AGBL4: variants seen among roughly 807,000 people sequenced by gnomAD.
AGBL4 encodes cytosolic carboxypeptidase 6.
A neutral mutation model predicts 66.4 loss-of-function variants in AGBL4; 58 were observed. The ratio of observed to expected loss-of-function variants is 0.87; its 90% CI spans 0.71 to 1.09. The LOEUF (loss-of-function observed/expected upper bound fraction) is 1.09, where lower values mean the gene tolerates loss of function less well. AGBL4 is among the 50% of genes least tolerant of loss of function. AGBL4 has a pLI of 0.00. For missense variants in AGBL4, 579 were observed against 631.0 expected, an observed-to-expected ratio of 0.92 and a Z score of 0.88; for synonymous variants, 234 against 222.9, an observed-to-expected ratio of 1.05 and a Z score of -0.44.
At chr1:49,831,506 G>C (rs1645677236) in intron 2 of AGBL4, among the ~76,000 whole-genome samples, 2 of 152,038 alleles carry the variant, frequency 1.3e-5, no homozygotes, top group Admixed American at 6.6e-5. Context: ...AAGGAGATTT[G>C]GGGCTGACAC....
intron 11 of AGBL4, among the ~76,000 whole-genome samples, chr1:48,540,187 C>T (rs1343285719): frequency 2.0e-5 from 3 of 152,156 alleles, no homozygotes; most frequent in Non-Finnish European, 4.4e-5. Context: ...ACCCTTAGGG[C>T]TCAGTCATCC....
At chr1:49,116,797 G>A (rs1645534000) in intron 4 of AGBL4, among the ~76,000 whole-genome samples, 1 of 152,136 alleles carries the variant, frequency 6.6e-6, no homozygotes, top group African/African-American at 2.4e-5. Context: ...GATCGGCACA[G>A]TGGCTTCCAC....
At chr1:49,937,028 A>G (rs1654135263) in intron 1 of AGBL4, among the ~76,000 whole-genome samples, 1 of 152,256 alleles carries the variant, frequency 6.6e-6, no homozygotes, top group African/African-American at 2.4e-5. Context: ...TGCTCCAATT[A>G]AAAGACACAG....
chr1:49,693,783 C>T (rs372645815), intron 3 of AGBL4, among the ~76,000 whole-genome samples: 5 of 152,028 alleles, frequency 3.3e-5, no homozygotes, highest in African/African-American at 1.2e-4. Context: ...CTCTTATTGG[C>T]TGAACTTTTA....
At chr1:49,854,596 C>A (rs2148070240) in intron 1 of AGBL4, among the ~76,000 whole-genome samples, 1 of 152,196 alleles carries the variant, frequency 6.6e-6, no homozygotes, top group Middle Eastern at 3.4e-3. Context: ...ATCAGACTAC[C>A]TCTTACCCTG....
intron 1 of AGBL4, among the ~76,000 whole-genome samples, chr1:49,952,686 TG>T (rs1656265436): frequency 6.6e-6 from 1 of 151,890 alleles, no homozygotes; most frequent in African/African-American, 2.4e-5. Flanking sequence ...CAACATTCTT[TG>T]TCTCAGTCAA....
At chr1:48,769,526 A>AACACACACACACAC (rs558937968) in intron 6 of AGBL4, among the ~76,000 whole-genome samples, 182 of 130,300 alleles carry the variant, frequency 1.4e-3, no homozygotes, top group African/African-American at 2.6e-3. Flanking sequence ...GAGGATTTAA[A>AACACACACACACAC]ACACACACAC....
chr1:49,846,560 G>C (rs1033535188), intron 2 of AGBL4, among the ~76,000 whole-genome samples: 10 of 152,174 alleles, frequency 6.6e-5, no homozygotes, highest in African/African-American at 2.4e-4. Flanking sequence ...AAGGAAAGAA[G>C]TATCTCATGT....
chr1:49,129,555 C>T (rs1569731304), intron 4 of AGBL4, among the ~76,000 whole-genome samples: 1 of 150,080 alleles, frequency 6.7e-6, no homozygotes, highest in Non-Finnish European at 1.5e-5. Context: ...TGAGTGAGAA[C>T]ATGCGGTGTT....
At chr1:49,830,125 T>A (rs1645623391) in intron 2 of AGBL4, among the ~76,000 whole-genome samples, 1 of 152,214 alleles carries the variant, frequency 6.6e-6, no homozygotes, top group Admixed American at 6.5e-5. Context: ...CCTTTGGGTA[T>A]ATAACCAGTA....
intron 4 of AGBL4, among the ~76,000 whole-genome samples, chr1:49,130,661 C>T (rs951355024): frequency 1.3e-5 from 2 of 151,914 alleles, no homozygotes; most frequent in East Asian, 1.9e-4. Context: ...CTGTTCTGTT[C>T]CATTGATCTA....
intron 3 of AGBL4, among the ~76,000 whole-genome samples, chr1:49,631,340 C>G (rs942422478): frequency 6.6e-6 from 1 of 152,168 alleles, no homozygotes; most frequent in Non-Finnish European, 1.5e-5. Flanking sequence ...CAAAGTGTCT[C>G]ACTGGATCTC....
chr1:48,565,012 G>T (rs1300449509), intron 11 of AGBL4, among the ~76,000 whole-genome samples: 2 of 152,158 alleles, frequency 1.3e-5, no homozygotes, highest in Non-Finnish European at 2.9e-5. Context: ...CTCCCCTTTG[G>T]ACCTCACAGG....
chr1:49,660,557 T>C (rs968320570), intron 3 of AGBL4, among the ~76,000 whole-genome samples: 2 of 152,122 alleles, frequency 1.3e-5, no homozygotes, highest in Admixed American at 1.3e-4. Flanking sequence ...TCATCAAGTA[T>C]CTAGAACCAG....
chr1:49,333,768 C>T (rs1645381448), intron 3 of AGBL4, among the ~76,000 whole-genome samples: 2 of 152,006 alleles, frequency 1.3e-5, no homozygotes, highest in African/African-American at 4.8e-5. Context: ...ACATGATGGT[C>T]GAGATGACAG....
chr1:49,704,918 CTTGGTTCCATAAGAAAT>C (rs1239634818), intron 2 of AGBL4, among the ~76,000 whole-genome samples: 2 of 151,972 alleles, frequency 1.3e-5, no homozygotes, highest in African/African-American at 4.8e-5. Context: ...CAGGATCTTT[CTTGGTTCCATAAGAAAT>C]TTAAAGTAGT....
At chr1:49,220,114 C>G (rs759990941) in intron 4 of AGBL4, among the ~76,000 whole-genome samples, 10 of 152,246 alleles carry the variant, frequency 6.6e-5, no homozygotes, top group Admixed American at 1.3e-4. Context: ...GATACATTCT[C>G]AAATAGCTAC....
At chr1:48,970,169 T>C (rs1658789109) in intron 5 of AGBL4, among the ~76,000 whole-genome samples, 1 of 152,142 alleles carries the variant, frequency 6.6e-6, no homozygotes. Flanking sequence ...TTGCTGTTAT[T>C]AATGAGGTCA....
intron 6 of AGBL4, among the ~76,000 whole-genome samples, chr1:48,677,338 G>A (rs12075386): frequency 0.031 from 4,658 of 152,258 alleles, 207 homozygotes; most frequent in African/African-American, 0.1. Context: ...AGGAGAAGGA[G>A]AAAGACATTT....
Sources: gnomAD v4.1 joint callset for allele counts (sites outside exome capture counted in the v4.1 genomes callset) on GRCh38, gnomAD v4.1.1 for gene constraint, MANE v1.5 for transcripts, NCBI Gene and HGNC (gene_info 2026-07-23, HGNC 2026-07-21) for gene names.